AUTS2: variants seen among roughly 807,000 people sequenced by gnomAD.
AUTS2 encodes activator of transcription and developmental regulator AUTS2.
Under a neutral mutation model 112.4 loss-of-function variants are expected in AUTS2, and 17 were observed. The ratio of observed to expected loss-of-function variants is 0.15; its 90% CI spans 0.10 to 0.23. The LOEUF (loss-of-function observed/expected upper bound fraction) is 0.23. AUTS2 is among the 10% of genes least tolerant of loss of function. AUTS2 has a pLI of 1.00. For missense variants in AUTS2, 1,510 were observed against 1,701.6 expected (o/e 0.89, Z 1.98); for synonymous variants, 751 against 702.7 (o/e 1.07, Z -1.09).
At chr7:70,547,585 C>T (rs908998388) in intron 5 of AUTS2, among the ~76,000 whole-genome samples, 4 of 152,172 alleles carry the variant, frequency 2.6e-5, no homozygotes, top group African/African-American at 9.6e-5. Flanking sequence ...TGGCTTCTTT[C>T]ACTCGTCCTA....
At chr7:70,106,571 T>G (rs1470841737) in intron 2 of AUTS2, among the ~76,000 whole-genome samples, 1 of 152,056 alleles carries the variant, frequency 6.6e-6, no homozygotes, top group Non-Finnish European at 1.5e-5. Context: ...AATGTAGAAA[T>G]TAGCCGGGCA....
chr7:70,511,037 C>G (rs1216836430), intron 5 of AUTS2, among the ~76,000 whole-genome samples: 1 of 151,928 alleles, frequency 6.6e-6, no homozygotes, highest in Non-Finnish European at 1.5e-5. Flanking sequence ...TTTGTAGAGA[C>G]GAGGTTTCGC....
intron 5 of AUTS2, among the ~76,000 whole-genome samples, chr7:70,584,756 G>A (rs557905525): frequency 1.3e-5 from 2 of 152,250 alleles, no homozygotes; most frequent in Non-Finnish European, 2.9e-5. Context: ...GAAGAAGGAA[G>A]GGGGAGCAAC....
intron 2 of AUTS2, among the ~76,000 whole-genome samples, chr7:70,084,720 T>C (rs982006145): frequency 2.0e-5 from 3 of 152,214 alleles, no homozygotes; most frequent in African/African-American, 7.2e-5. Flanking sequence ...TTTTTAAAAA[T>C]TACATTTTTT....
intron 5 of AUTS2, among the ~76,000 whole-genome samples, chr7:70,670,963 G>A (rs1349661164): frequency 1.3e-5 from 2 of 152,194 alleles, no homozygotes; most frequent in Non-Finnish European, 2.9e-5. Flanking sequence ...CTTGAGGTCA[G>A]GAGTTCAAGA....
intron 2 of AUTS2, among the ~76,000 whole-genome samples, chr7:69,975,247 A>G (rs1798009287): frequency 6.6e-6 from 1 of 151,924 alleles, no homozygotes; most frequent in South Asian, 2.1e-4. Context: ...TCTTTTGTCT[A>G]GATGTCATGA....
At chr7:69,665,925 G>C (rs570693231) in intron 1 of AUTS2, among the ~76,000 whole-genome samples, 2 of 152,154 alleles carry the variant, frequency 1.3e-5, no homozygotes, top group African/African-American at 4.8e-5. Flanking sequence ...CGCATACCTG[G>C]ACCATATTAT....
chr7:70,366,650 A>C (rs1321154229), intron 4 of AUTS2, among the ~76,000 whole-genome samples: 1 of 152,210 alleles, frequency 6.6e-6, no homozygotes, highest in East Asian at 1.9e-4. Flanking sequence ...CTTTTTAAGA[A>C]GAGAGTTGAT....
Position 70,179,637 on chromosome 7 carries a change from A to C in AUTS2, c.660+45066A>C, listed in dbSNP as rs751042721. Among the ~76,000 whole-genome samples, 77 of 152,304 alleles carry C rather than the reference A, an allele frequency of 5.1e-4. 1 individual carries two copies. The Middle Eastern group carries it at 0.014, about 27-fold the overall frequency. ...TCAACTTGTAAAGAGTGATTTCCCC[A>C]AAAACAGGAGACAGACATTTAGCAA... On this transcript the variant is annotated intron_variant, in intron 4 of 18. Coordinates refer to ENST00000342771, the MANE Select transcript of AUTS2 (RefSeq NM_015570.4).
intron 2 of AUTS2, among the ~76,000 whole-genome samples, chr7:69,978,320 T>C (rs1798142409): frequency 6.6e-6 from 1 of 152,242 alleles, no homozygotes; most frequent in African/African-American, 2.4e-5. Flanking sequence ...ATTTTTCTTT[T>C]TCCAGGCAAT....
chr7:70,137,781 A>G (rs1232224380), intron 4 of AUTS2, among the ~76,000 whole-genome samples: 6 of 152,112 alleles, frequency 3.9e-5, no homozygotes, highest in Admixed American at 6.6e-5. Context: ...TATTCACACA[A>G]TCGTGTGTGA....
chr7:70,501,748 C>G (rs767437566), intron 5 of AUTS2, among the ~76,000 whole-genome samples: 8 of 152,112 alleles, frequency 5.3e-5, no homozygotes, highest in Admixed American at 2.0e-4. Flanking sequence ...CCATCAAACT[C>G]CATATGATTG....
chr7:69,736,354 G>T (rs1787031302), intron 1 of AUTS2, among the ~76,000 whole-genome samples: 3 of 152,120 alleles, frequency 2.0e-5, no homozygotes, highest in Admixed American at 1.3e-4. Flanking sequence ...AAACCTATTG[G>T]CTGATTTGCT....
Position 69,866,859 on chromosome 7 carries a change from A to G in AUTS2, c.310-32427A>G, listed in dbSNP as rs543109419. ...GGTTTGCCCAGCAACACCTTAATCT[A>G]GTTGCTTATGTTTAGTAAGCATTTA... On this transcript the variant is annotated intron_variant, in intron 1 of 18. Coordinates refer to ENST00000342771, the MANE Select transcript of AUTS2 (RefSeq NM_015570.4). Among the ~76,000 whole-genome samples the G allele has an allele frequency of 2.2e-4, 33 of 152,300 alleles. No individual in the cohort carries two copies. In the South Asian group the frequency reaches 5.8e-3, roughly 27 times the overall value.
At chr7:70,257,847 G>T in intron 4 of AUTS2, among the ~76,000 whole-genome samples, 1 of 152,162 alleles carries the variant, frequency 6.6e-6, no homozygotes. Flanking sequence ...TGTTCAGTGT[G>T]TGAGTATAGA....
At position 70,346,733 on chromosome 7, in the gene AUTS2, C is replaced by T. The variant is rs377731825; in HGVS notation, c.661-89019C>T. ...CACATCATCTTATTTTTATAATCAC[C>T]GAACTTTGTTAGGATGAAGAACTAG... is the stretch of plus-strand genomic sequence containing the variant. On this transcript the variant is annotated intron_variant, in intron 4 of 18. Coordinates refer to ENST00000342771, the MANE Select transcript of AUTS2 (RefSeq NM_015570.4). Among the ~76,000 whole-genome samples the T allele has an allele frequency of 1.4e-3, 216 of 152,192 alleles. 12 individuals are homozygous for T. The South Asian group carries it at 0.043, about 31-fold the overall frequency.
chr7:70,396,638 A>G (rs1336240011), intron 4 of AUTS2, among the ~76,000 whole-genome samples: 1 of 152,150 alleles, frequency 6.6e-6, no homozygotes, highest in Non-Finnish European at 1.5e-5. Context: ...CAGATGCCCA[A>G]AGTGTTGGGA....
chr7:70,677,999 G>A (rs1211718317), intron 5 of AUTS2, among the ~76,000 whole-genome samples: 2 of 151,994 alleles, frequency 1.3e-5, no homozygotes, highest in African/African-American at 2.4e-5. Flanking sequence ...GGAGAATGGC[G>A]TGAACCCGGG....
chr7:70,400,343 T>C (rs1383136954), intron 4 of AUTS2, among the ~76,000 whole-genome samples: 1 of 152,176 alleles, frequency 6.6e-6, no homozygotes, highest in Non-Finnish European at 1.5e-5. Context: ...TGGATCCTTG[T>C]TGCAAGATGT....
Sources: gnomAD v4.1 joint callset for allele counts (sites outside exome capture counted in the v4.1 genomes callset) on GRCh38, gnomAD v4.1.1 for gene constraint, MANE v1.5 for transcripts, NCBI Gene and HGNC (gene_info 2026-07-23, HGNC 2026-07-21) for gene names.